The following IQCJ variants were observed in gnomAD, a reference collection of about 807,000 sequenced individuals.
The protein encoded by IQCJ is IQ motif containing J, also known as IQ domain-containing protein J.
A neutral mutation model predicts 11.0 loss-of-function variants in IQCJ; 9 were observed. That is an observed-to-expected ratio of 0.82 (90% CI 0.49 to 1.43). The LOEUF is 1.43. Ranked by LOEUF, IQCJ falls within the 40% of genes most tolerant of loss-of-function variation. IQCJ has a pLI of 0.00. For synonymous variants in IQCJ, 55 were observed against 51.3 expected (o/e 1.07, Z -0.31); for missense variants, 146 against 133.2 (o/e 1.10, Z -0.47).
At chr3:159,248,798 C>G (rs1727423022) in intron 2 of IQCJ, among the ~76,000 whole-genome samples, 1 of 152,092 alleles carries the variant, frequency 6.6e-6, no homozygotes, top group African/African-American at 2.4e-5. Flanking sequence ...CAAGGACACA[C>G]TTTCTGTATG....
chr3:159,218,885 C>T (rs1725383915), intron 1 of IQCJ, among the ~76,000 whole-genome samples: 1 of 152,048 alleles, frequency 6.6e-6, no homozygotes, highest in African/African-American at 2.4e-5. Flanking sequence ...TCGTTCCTTC[C>T]AGAGGCTCTA....
At position 159,069,372 on chromosome 3, in the gene IQCJ, T is replaced by C. The variant is rs368840357; in HGVS notation, c.-61T>C. On this transcript the variant is annotated 5_prime_UTR_variant, in exon 1 of 4. Transcript: ENST00000397832. ...CATTGCGCTCTGTGATTCTGAGGAA[T>C]ACAGTGTGCCAGCATCCGATCCAGT... 244 of 1,583,784 alleles carry C rather than the reference T, an allele frequency of 1.5e-4. 2 individuals carry two copies. The highest frequency in any genetic ancestry group is 7.9e-5 in the Non-Finnish European group (92 of 1,168,402).
At chr3:159,111,601 A>T (rs1464659017) in intron 1 of IQCJ, among the ~76,000 whole-genome samples, 2 of 152,122 alleles carry the variant, frequency 1.3e-5, no homozygotes, top group Non-Finnish European at 2.9e-5. Context: ...GCGCCAAATG[A>T]TCACAACTTC....
chr3:159,203,487 C>T (rs1290560491), intron 1 of IQCJ, among the ~76,000 whole-genome samples: 2 of 151,974 alleles, frequency 1.3e-5, no homozygotes, highest in Non-Finnish European at 2.9e-5. Flanking sequence ...TCCCAGCCGT[C>T]TACCCCATCA....
chr3:159,262,674 C>T lies in IQCJ; in HGVS notation c.282C>T (p.Ser94=), dbSNP rs1181934097. 4.3e-6 allele frequency: 7 copies of T among 1,613,826 alleles called. No individual in the cohort carries two copies. Among genetic ancestry groups the T allele is most frequent in the African/African-American group, 1.3e-5 (1 of 74,926 alleles). ...TCAGCATGAACACCTTCTCCGACAG[C>T]AGCACACCCGTGAGTGTCATGTTTC... ...SSVSMNTFSD[S]STPVSVMFLF... is the part of the protein sequence containing the mutation. The change falls in exon 4 of 4, where the codon AGC becomes AGT. Residue 94 remains serine (S), a synonymous_variant. Transcript: ENST00000397832.
At chr3:159,162,044 G>T (rs1323066756) in intron 1 of IQCJ, among the ~76,000 whole-genome samples, 1 of 152,194 alleles carries the variant, frequency 6.6e-6, no homozygotes, top group Non-Finnish European at 1.5e-5. Context: ...GAACTTTAAA[G>T]AAGTTTTTTC....
At chr3:159,161,266 T>A (rs1193964459) in intron 1 of IQCJ, among the ~76,000 whole-genome samples, 1 of 152,230 alleles carries the variant, frequency 6.6e-6, no homozygotes, top group Non-Finnish European at 1.5e-5. Context: ...GATTTGCATT[T>A]CTCTGATGGC....
chr3:159,076,957 T>C (rs1376891385), intron 1 of IQCJ, among the ~76,000 whole-genome samples: 1 of 152,124 alleles, frequency 6.6e-6, no homozygotes, highest in Non-Finnish European at 1.5e-5. Flanking sequence ...TTAAGGTATA[T>C]AAAGTACTTA....
intron 3 of IQCJ, among the ~76,000 whole-genome samples, chr3:159,253,300 C>A (rs182424701): frequency 1.3e-5 from 2 of 152,004 alleles, no homozygotes; most frequent in South Asian, 2.1e-4. Context: ...TGTTAAGATA[C>A]CCAAATGTAA....
At chr3:159,241,921 G>A (rs1219219411) in intron 1 of IQCJ, among the ~76,000 whole-genome samples, 1 of 152,232 alleles carries the variant, frequency 6.6e-6, no homozygotes, top group Non-Finnish European at 1.5e-5. Flanking sequence ...TACCACAAGT[G>A]ATGGGTGACA....
intron 1 of IQCJ, among the ~76,000 whole-genome samples, chr3:159,228,388 C>T (rs931283963): frequency 1.5e-4 from 23 of 152,258 alleles, no homozygotes; most frequent in Admixed American, 9.2e-4. Flanking sequence ...TGTTATGAAG[C>T]AATTTAGGGC....
At chr3:159,141,675 A>G (rs1355484811) in intron 1 of IQCJ, among the ~76,000 whole-genome samples, 1 of 152,232 alleles carries the variant, frequency 6.6e-6, no homozygotes, top group Non-Finnish European at 1.5e-5. Flanking sequence ...TAGTACTTGA[A>G]TAAATTATCT....
chr3:159,088,663 C>A (rs1460166796), intron 1 of IQCJ, among the ~76,000 whole-genome samples: 1 of 152,136 alleles, frequency 6.6e-6, no homozygotes, highest in Non-Finnish European at 1.5e-5. Flanking sequence ...GATCCCTTTA[C>A]CATTATGTAA....
intron 1 of IQCJ, among the ~76,000 whole-genome samples, chr3:159,245,226 T>A (rs1029290227): frequency 4.6e-5 from 7 of 152,058 alleles, no homozygotes; most frequent in Non-Finnish European, 1.0e-4. Flanking sequence ...ATGCAGTCAT[T>A]AGAGTCTCTT....
intron 1 of IQCJ, among the ~76,000 whole-genome samples, chr3:159,078,197 A>G (rs1455457856): frequency 1.3e-5 from 2 of 152,152 alleles, no homozygotes; most frequent in Non-Finnish European, 2.9e-5. Context: ...TATTAATGCT[A>G]AACATGGGGA....
intron 2 of IQCJ, among the ~76,000 whole-genome samples, chr3:159,251,102 A>G (rs543211508): frequency 3.4e-4 from 51 of 152,222 alleles, no homozygotes; most frequent in African/African-American, 1.2e-3. Context: ...CCCCTCAACA[A>G]TCAGGCTGAG....
intron 1 of IQCJ, among the ~76,000 whole-genome samples, chr3:159,161,379 T>C (rs1721846386): frequency 6.6e-6 from 1 of 152,194 alleles, no homozygotes. Flanking sequence ...ATGTGGTTGT[T>C]TGTTTTTTTC....
chr3:159,141,115 A>G (rs1224979668), intron 1 of IQCJ, among the ~76,000 whole-genome samples: 1 of 151,952 alleles, frequency 6.6e-6, no homozygotes, highest in Non-Finnish European at 1.5e-5. Context: ...TTTCCCAAGA[A>G]GGACTAGATC....
intron 1 of IQCJ, among the ~76,000 whole-genome samples, chr3:159,150,299 C>A (rs1721135462): frequency 1.3e-5 from 2 of 152,102 alleles, no homozygotes; most frequent in African/African-American, 4.8e-5. Context: ...GCAACTGAAG[C>A]TCACCCTGCA....
Sources: allele counts gnomAD v4.1 joint callset (sites outside exome capture counted in the v4.1 genomes callset), GRCh38; gene constraint gnomAD v4.1.1; transcripts MANE v1.5; gene names NCBI Gene and HGNC (gene_info 2026-07-23, HGNC 2026-07-21).